Variants in NIPA1 observed in about 807,000 individuals in gnomAD.
NIPA1 encodes the protein magnesium transporter NIPA1.
A neutral mutation model predicts 23.9 loss-of-function variants in NIPA1; 13 were observed. The observed-to-expected ratio is 0.54, with a 90% confidence interval of 0.35 to 0.87. The LOEUF (loss-of-function observed/expected upper bound fraction) is 0.87. Among genes scored for constraint, NIPA1 ranks in the 40% least tolerant of loss-of-function variants. NIPA1 has a pLI of 0.01. For synonymous variants in NIPA1, 234 were observed against 202.9 expected (o/e 1.15, Z -1.30); for missense variants, 362 against 429.7 (o/e 0.84, Z 1.39).
rs1595649589 is a variant in NIPA1, at chr15:22,826,470, A to AC, written c.*2231_*2232insC. The AC allele has an allele frequency of 1.3e-5, 2 of 152,156 alleles. No homozygotes were observed. Among genetic ancestry groups the AC allele is most frequent in the East Asian group, 3.9e-4 (2 of 5,194 alleles). The allele number at this position is 152,156 out of a possible 1,614,324, so 9.4% of individuals were successfully genotyped here. ...CTTTTGGGCATAAAAATAGTTTCCT[A>AC]GGTAAGGGGTGTGAGATATTCAAAG... On this transcript the variant is annotated 3_prime_UTR_variant, in exon 5 of 5. Coordinates refer to ENST00000337435, the MANE Select transcript of NIPA1 (RefSeq NM_144599.5).
chr15:22,788,518 T>C (rs1429618680), intron 1 of NIPA1, among the ~76,000 whole-genome samples: 1 of 106,188 alleles, frequency 9.4e-6, no homozygotes. Flanking sequence ...AAAAAAAATC[T>C]TGCAGTACAC....
chr15:22,788,898 GAGA>G (rs148212639), intron 1 of NIPA1, among the ~76,000 whole-genome samples: 4,375 of 83,822 alleles, frequency 0.052, 278 homozygotes, highest in African/African-American at 0.18. Flanking sequence ...CAGCCCGAGC[GAGA>G]AGAACAAGGC....
intron 3 of NIPA1, among the ~76,000 whole-genome samples, chr15:22,819,711 A>G (rs555426479): frequency 6.6e-5 from 10 of 152,230 alleles, no homozygotes; most frequent in Admixed American, 6.5e-4. Flanking sequence ...TTTGTACCCT[A>G]CTTTTCCATG....
At chr15:22,817,227 C>T (rs1436930730) in intron 3 of NIPA1, among the ~76,000 whole-genome samples, 1 of 144,820 alleles carries the variant, frequency 6.9e-6, no homozygotes, top group Non-Finnish European at 1.5e-5. Context: ...CTGCCAGGCG[C>T]AGTGGCTCAG....
At chr15:22,802,041 G>C (rs944124315) in intron 1 of NIPA1, among the ~76,000 whole-genome samples, 1 of 152,146 alleles carries the variant, frequency 6.6e-6, no homozygotes, top group Non-Finnish European at 1.5e-5. Context: ...TATTACAGTG[G>C]TTAGTTGTAT....
chr15:22,796,588 G>A (rs1464564916), intron 1 of NIPA1, among the ~76,000 whole-genome samples: 1 of 152,060 alleles, frequency 6.6e-6, no homozygotes, highest in Non-Finnish European at 1.5e-5. Context: ...CCAGGCGTGA[G>A]CCACTACACC....
At chr15:22,823,586 GCCCA>G in intron 4 of NIPA1, 138 bp from the exon 5 acceptor site, 2 of 756,994 alleles carry the variant, frequency 2.6e-6, no homozygotes. Context: ...TCAAGCCAGA[GCCCA>G]CATGCTCCCC....
At chr15:22,794,403 A>T (rs942480769) in intron 1 of NIPA1, among the ~76,000 whole-genome samples, 6 of 152,030 alleles carry the variant, frequency 3.9e-5, no homozygotes, top group Non-Finnish European at 5.9e-5. Context: ...GTGTGTGAAG[A>T]TGGAGTGTGG....
At chr15:22,797,491 C>T (rs1894963579) in intron 1 of NIPA1, among the ~76,000 whole-genome samples, 1 of 146,366 alleles carries the variant, frequency 6.8e-6, no homozygotes, top group Non-Finnish European at 1.5e-5. Flanking sequence ...GGATTACAGG[C>T]GTGAGTCACC....
At chr15:22,806,555 T>TTTA (rs1895217206) in intron 1 of NIPA1, among the ~76,000 whole-genome samples, 1 of 121,352 alleles carries the variant, frequency 8.2e-6, no homozygotes, top group Non-Finnish European at 1.5e-5. Flanking sequence ...TCCCTGTTGT[T>TTTA]GCTGAGGCCG....
intron 1 of NIPA1, among the ~76,000 whole-genome samples, chr15:22,787,586 C>G (rs943857244): frequency 1.3e-5 from 2 of 152,202 alleles, no homozygotes; most frequent in Non-Finnish European, 2.9e-5. Flanking sequence ...GTAGAGCTCT[C>G]TGTCAGTGTC....
In NIPA1 at chr15:22,823,856, G is replaced by C; in HGVS notation, c.607G>C (p.Val203Leu). Residue 203 changes from valine to leucine, a missense_variant, in exon 5 of 5, where the codon GTG becomes CTG. Around this residue, in one of 2 missense-constraint regions of NIPA1, gnomAD observed 277 missense variants for 372.0 expected, o/e 0.74. Transcript: ENST00000337435. ...SICSLLGSFTVPSTKGIGLAA... is the reference protein window; with the variant it reads ...SICSLLGSFTLPSTKGIGLAA... ...CTGCTCCTTGCTGGGCAGTTTCACCGTGCCTTCCACCAAGGGCATCGGGCT... is the reference window on the plus strand; with the variant it reads ...CTGCTCCTTGCTGGGCAGTTTCACCCTGCCTTCCACCAAGGGCATCGGGCT... 2.5e-6 allele frequency: 4 copies of C among 1,614,090 alleles called. No homozygotes were observed. The highest frequency in any genetic ancestry group is 3.4e-6 in the Non-Finnish European group (4 of 1,179,956).
At chr15:22,811,345 C>T (rs1332164413) in intron 2 of NIPA1, among the ~76,000 whole-genome samples, 2 of 152,146 alleles carry the variant, frequency 1.3e-5, no homozygotes, top group Admixed American at 6.6e-5. Context: ...TGGTGGCTCA[C>T]GCCTGTAATC....
At chr15:22,792,895 A>G (rs1894862086) in intron 1 of NIPA1, among the ~76,000 whole-genome samples, 1 of 151,998 alleles carries the variant, frequency 6.6e-6, no homozygotes. Context: ...CGGAAGTTTC[A>G]GTGAGGCTAG....
intron 4 of NIPA1, 36 bp from the exon 5 acceptor site, chr15:22,823,692 G>T: frequency 5.7e-6 from 9 of 1,575,738 alleles, no homozygotes; most frequent in Non-Finnish European, 7.7e-6. Context: ...CTGCTAGGCG[G>T]TGGCTCCGGG....
intron 1 of NIPA1, among the ~76,000 whole-genome samples, chr15:22,802,998 C>T (rs1330895585): frequency 6.6e-6 from 1 of 151,832 alleles, no homozygotes; most frequent in Non-Finnish European, 1.5e-5. Context: ...GCTCTGTCGC[C>T]CATGCTGGAG....
chr15:22,797,908 A>G (rs1271187813), intron 1 of NIPA1, among the ~76,000 whole-genome samples: 14 of 149,174 alleles, frequency 9.4e-5, no homozygotes, highest in Non-Finnish European at 2.1e-4. Flanking sequence ...GCCGTGGCAC[A>G]ATCTCGGCTC....
At chr15:22,814,873 G>A (rs1324234206) in intron 3 of NIPA1, among the ~76,000 whole-genome samples, 1 of 152,100 alleles carries the variant, frequency 6.6e-6, no homozygotes, top group African/African-American at 2.4e-5. Flanking sequence ...CTGTATCTGG[G>A]TATCTCAGTC....
intron 1 of NIPA1, among the ~76,000 whole-genome samples, chr15:22,791,847 C>T (rs1469206775): frequency 6.6e-6 from 1 of 152,142 alleles, no homozygotes; most frequent in Non-Finnish European, 1.5e-5. Flanking sequence ...GCGTCGTCTA[C>T]AGCATAGGCT....
Sources: gnomAD v4.1 joint callset for allele counts (sites outside exome capture counted in the v4.1 genomes callset) on GRCh38, gnomAD v4.1.1 for gene constraint, gnomAD v4.1.1 regional missense constraint, MANE v1.5 for transcripts, NCBI Gene and HGNC (gene_info 2026-07-23, HGNC 2026-07-21) for gene names.